The following DCUN1D2 variants were observed in gnomAD, a reference collection of about 807,000 sequenced individuals.
DCUN1D2 encodes the protein DCN1-like protein 2.
DCUN1D2 carries 29 observed loss-of-function variants against 30.9 expected under a neutral mutation model. The ratio of observed to expected loss-of-function variants is 0.94; its 90% CI spans 0.70 to 1.28. The LOEUF (loss-of-function observed/expected upper bound fraction) is 1.28. Among genes scored for constraint, DCUN1D2 ranks in the 50% most tolerant of loss-of-function variants. The pLI is 0.00. For synonymous variants in DCUN1D2, 121 were observed against 115.3 expected (o/e 1.05, Z -0.32); for missense variants, 325 against 316.9 (o/e 1.03, Z -0.19).
chr13:113,472,211 A>C (rs2044531199), intron 4 of DCUN1D2, among the ~76,000 whole-genome samples: 1 of 152,172 alleles, frequency 6.6e-6, no homozygotes, highest in African/African-American at 2.4e-5. Flanking sequence ...AGGGAAACAC[A>C]GCTGCAATAC....
chr13:113,466,096 A>T (rs1202642317), intron 4 of DCUN1D2, among the ~76,000 whole-genome samples: 1 of 152,118 alleles, frequency 6.6e-6, no homozygotes, highest in East Asian at 1.9e-4. Context: ...CATGTTGCCC[A>T]AGCTGTTTTC....
chr13:113,474,612 T>G (rs776367112), intron 3 of DCUN1D2, among the ~76,000 whole-genome samples: 2 of 152,214 alleles, frequency 1.3e-5, no homozygotes, highest in Non-Finnish European at 2.9e-5. Flanking sequence ...CAACATCTTT[T>G]GCCCTCTTCT....
chr13:113,466,304 GAAAT>G (rs1290723044), intron 4 of DCUN1D2, among the ~76,000 whole-genome samples: 1 of 152,170 alleles, frequency 6.6e-6, no homozygotes, highest in Non-Finnish European at 1.5e-5. Flanking sequence ...CTCTTAGAAA[GAAAT>G]AGAGTGGAAT....
chr13:113,474,093 G>A (rs753510240), intron 4 of DCUN1D2, 31 bp downstream of exon 4: 3 of 1,600,622 alleles, frequency 1.9e-6, no homozygotes, highest in East Asian at 2.2e-5. Context: ...ATTATGATCT[G>A]GCATTTTACG....
chr13:113,461,200 G>A (rs1261909362), intron 4 of DCUN1D2, 64 bp from the exon 5 acceptor site: 12 of 1,019,466 alleles, frequency 1.2e-5, no homozygotes, highest in Non-Finnish European at 1.6e-5. Flanking sequence ...CACAAAAAAC[G>A]ACCACTTCTT....
At chr13:113,491,013 G>T (rs920580353), upstream of DCUN1D2, 2 of 167,380 alleles carry the variant, frequency 1.2e-5, no homozygotes, top group Non-Finnish European at 2.6e-5. Flanking sequence ...CAGTGACTGC[G>T]GCTGGGCGGG....
intron 3 of DCUN1D2, among the ~76,000 whole-genome samples, chr13:113,475,093 G>A (rs981870636): frequency 2.6e-5 from 4 of 152,290 alleles, no homozygotes; most frequent in Non-Finnish European, 2.9e-5. Context: ...TAGAGTAGAC[G>A]TAAGGAAAGA....
chr13:113,490,414 GC>G lies in DCUN1D2; in HGVS notation c.3+252del, dbSNP rs1354108344. 12 of 347,444 alleles carry G rather than the reference GC, an allele frequency of 3.5e-5. No homozygotes were observed. Among genetic ancestry groups the G allele is most frequent in the Middle Eastern group, 8.3e-4 (1 of 1,198 alleles). 21.5% of individuals were successfully genotyped at this position (347,444 alleles called of 1,614,324 possible). ...CCCAAGGCCCCTACAGTTCCTCCCGGCCCCCGCCCTCCGCTCACTCCCGGTC... is the reference window on the plus strand; with the variant it reads ...CCCAAGGCCCCTACAGTTCCTCCCGGCCCCGCCCTCCGCTCACTCCCGGTC... On this transcript the variant is annotated intron_variant, in intron 1 of 6. Coordinates refer to ENST00000478244, the MANE Select transcript of DCUN1D2 (RefSeq NM_001014283.2). The surrounding 1 kb of genome is among the most constrained non-coding windows in gnomAD (Gnocchi z 5.2).
intron 2 of DCUN1D2, among the ~76,000 whole-genome samples, chr13:113,483,506 C>A (rs2044745369): frequency 6.6e-6 from 1 of 152,248 alleles, no homozygotes; most frequent in Non-Finnish European, 1.5e-5. Context: ...TTAACAGACA[C>A]AGTCACGCCA....
intron 3 of DCUN1D2, among the ~76,000 whole-genome samples, chr13:113,476,975 G>T (rs183034729): frequency 6.6e-6 from 1 of 152,154 alleles, no homozygotes; most frequent in Admixed American, 6.5e-5. Flanking sequence ...CTTTCTGAGC[G>T]CTCCATTCTG....
chr13:113,469,854 CT>C (rs918085932), intron 4 of DCUN1D2, among the ~76,000 whole-genome samples: 1,672 of 148,142 alleles, frequency 0.011, 32 homozygotes, highest in African/African-American at 0.039. Context: ...AAATCAAAAA[CT>C]TTTTTTTTTT....
Position 113,490,527 on chromosome 13 carries a change from T to G in DCUN1D2, c.3+140A>C. Reference sequence around the variant, plus strand: ...CTCCGGCTCGCGGGCCCGCGGCGCGTTCCTCCCTCGGATCCACGCGGAACG... The same window carrying G: ...CTCCGGCTCGCGGGCCCGCGGCGCGGTCCTCCCTCGGATCCACGCGGAACG... On this transcript the variant is annotated intron_variant, in intron 1 of 6. Transcript: ENST00000478244. The surrounding 1 kb of genome is among the most constrained non-coding windows in gnomAD (Gnocchi z 5.2). 2.2e-6 allele frequency: 2 copies of G among 902,950 alleles called. No individual in the cohort carries two copies. Among genetic ancestry groups the G allele is most frequent in the East Asian group, 4.3e-5 (1 of 23,428 alleles). 55.9% of individuals were successfully genotyped at this position (902,950 alleles called of 1,614,324 possible). A position where few individuals can be genotyped will look rare whatever the true frequency, so the allele number is the denominator to read the frequency against.
chr13:113,459,348 T>C lies in DCUN1D2; in HGVS notation c.664A>G (p.Met222Val). The change falls in exon 6 of 7, where the codon ATG becomes GTG. Residue 222 changes from methionine (M) to valine (V), a missense_variant. Coordinates refer to ENST00000478244, the MANE Select transcript of DCUN1D2 (RefSeq NM_001014283.2). ...TAGTTAGACATATCATCCGCAATCA[T>C]GTTTCCAAAGTCCAGCAGGAGGTTC... ...TWNLLLDFGN[M>V]IADDMSNYDE... 1.2e-6 allele frequency: 2 copies of C among 1,605,260 alleles called. No homozygotes were observed. Among genetic ancestry groups the C allele is most frequent in the Non-Finnish European group, 1.7e-6 (2 of 1,172,012 alleles).
At position 113,464,997 on chromosome 13, in the gene DCUN1D2, G is replaced by A. The variant is rs532173641; in HGVS notation, c.521-3861C>T. ...GTGTCAAGTTAACAAGGCATTATAA[G>A]ATAAAAATTCTTAAAGATAATACCT... On this transcript the variant is annotated intron_variant, in intron 4 of 6. Coordinates refer to ENST00000478244, the MANE Select transcript of DCUN1D2 (RefSeq NM_001014283.2). Among the ~76,000 whole-genome samples, 14 of 152,268 alleles carry A rather than the reference G, an allele frequency of 9.2e-5. No homozygotes were observed. The East Asian group carries it at 2.7e-3, about 29-fold the overall frequency.
intron 6 of DCUN1D2, 142 bp from the exon 7 acceptor site, chr13:113,458,250 C>T: frequency 1.3e-6 from 1 of 764,234 alleles, no homozygotes. Flanking sequence ...ACAGAATGAA[C>T]CAGCCCAAGT....
rs1382526360 is a variant in DCUN1D2, at chr13:113,456,209, G to T, written c.*1820C>A. 2 of 398,546 alleles carry T rather than the reference G, an allele frequency of 5.0e-6. No homozygotes were observed. The allele number at this position is 398,546 out of a possible 1,614,324, so 24.7% of individuals were successfully genotyped here. On this transcript the variant is annotated 3_prime_UTR_variant, in exon 7 of 7. Transcript: ENST00000478244. Reference sequence around the variant, plus strand: ...CCAGTTTCCCATTAGAGTTCTGGAAGCAGAGCCTGGGGAAGGTCTGTCACT... The same window carrying T: ...CCAGTTTCCCATTAGAGTTCTGGAATCAGAGCCTGGGGAAGGTCTGTCACT...
intron 1 of DCUN1D2, among the ~76,000 whole-genome samples, chr13:113,484,985 G>A (rs1281082899): frequency 6.6e-6 from 1 of 152,150 alleles, no homozygotes; most frequent in African/African-American, 2.4e-5. Flanking sequence ...GGCTGAGGCA[G>A]GAGAATCACT....
intron 5 of DCUN1D2, among the ~76,000 whole-genome samples, chr13:113,459,904 T>G (rs1278709143): frequency 5.3e-5 from 8 of 152,206 alleles, no homozygotes; most frequent in Non-Finnish European, 1.0e-4. Context: ...GCACCAATAT[T>G]CTGATTTTTT....
At chr13:113,475,316 C>T (rs2044596723) in intron 3 of DCUN1D2, 1 of 152,246 alleles carries the variant, frequency 6.6e-6, no homozygotes, top group Non-Finnish European at 1.5e-5. Flanking sequence ...CCATTTCCAC[C>T]TTCAGATGTG....
Sources: gnomAD v4.1 joint callset for allele counts (sites outside exome capture counted in the v4.1 genomes callset) on GRCh38, gnomAD v4.1.1 for gene constraint, Gnocchi (gnomAD v3.1) non-coding constraint, MANE v1.5 for transcripts, NCBI Gene and HGNC (gene_info 2026-07-23, HGNC 2026-07-21) for gene names.